Variants in SLC22A6 observed in about 807,000 individuals in gnomAD.
SLC22A6 encodes the protein solute carrier family 22 member 6.
A neutral mutation model predicts 56.7 loss-of-function variants in SLC22A6; 45 were observed. That is an observed-to-expected ratio of 0.79 (90% CI 0.63 to 1.02). The LOEUF (loss-of-function observed/expected upper bound fraction) is 1.02, where lower values mean the gene tolerates loss of function less well. SLC22A6 is among the 50% of genes least tolerant of loss of function. The pLI, the probability that SLC22A6 is intolerant of heterozygous loss-of-function variation, is 0.00. For synonymous variants in SLC22A6, 291 were observed against 295.9 expected, an observed-to-expected ratio of 0.98 and a Z score of 0.17; for missense variants, 606 against 713.8, an observed-to-expected ratio of 0.85 and a Z score of 1.72.
rs1294792467 is a variant in SLC22A6, at chr11:62,984,692, G to A, written c.-2C>T. ...CTGCAGGAGGTCATTAAAGGCCATT[G>A]GGCCAGGCCCAGCCCAGTGGCTGGG... is the stretch of plus-strand genomic sequence containing the variant. On this transcript the variant is annotated 5_prime_UTR_variant, in exon 1 of 10. Coordinates refer to ENST00000360421, the MANE Select transcript of SLC22A6 (RefSeq NM_153276.3). 10 of 1,611,884 alleles carry A rather than the reference G, an allele frequency of 6.2e-6. No individual in the cohort carries two copies. The highest frequency in any genetic ancestry group is 8.5e-6 in the Non-Finnish European group (10 of 1,179,646).
At chr11:62,984,301 T>G in intron 1 of SLC22A6, 21 bp downstream of exon 1, 1 of 1,610,274 alleles carries the variant, frequency 6.2e-7, no homozygotes, top group Non-Finnish European at 8.5e-7. Context: ...GGCCCCTGGA[T>G]GGGGAGCCCC....
intron 3 of SLC22A6, among the ~76,000 whole-genome samples, chr11:62,982,652 G>C (rs1007018991): frequency 2.0e-5 from 3 of 152,170 alleles, no homozygotes; most frequent in Non-Finnish European, 4.4e-5. Flanking sequence ...ATGCCCTTGG[G>C]TAAATCCTTT....
At chr11:62,984,249 CTT>C (rs4149175) in intron 1 of SLC22A6, 71 bp downstream of exon 1, 50,413 of 1,334,610 alleles carry the variant, frequency 0.038, no homozygotes, top group South Asian at 0.056. Flanking sequence ...TCTCCATGTA[CTT>C]TTTTTTTTTT....
At chr11:62,977,896 A>C (rs1471352129) in intron 8 of SLC22A6, among the ~76,000 whole-genome samples, 1 of 152,228 alleles carries the variant, frequency 6.6e-6, no homozygotes, top group Non-Finnish European at 1.5e-5. Context: ...GGGAGCTGGA[A>C]TCTGCATGTT....
At chr11:62,977,857 C>T (rs748842332) in intron 8 of SLC22A6, among the ~76,000 whole-genome samples, 8 of 152,202 alleles carry the variant, frequency 5.3e-5, no homozygotes, top group African/African-American at 1.7e-4. Context: ...AGCCAACATA[C>T]ACCTATTGGA....
chr11:62,977,746 TTCCC>T (rs1461542303), intron 8 of SLC22A6, among the ~76,000 whole-genome samples: 2 of 152,234 alleles, frequency 1.3e-5, no homozygotes, highest in Non-Finnish European at 2.9e-5. Context: ...GCAAGCCCCT[TTCCC>T]TCCGTGGGCT....
chr11:62,981,195 C>A (rs2135095787), intron 5 of SLC22A6, 65 bp downstream of exon 5: 1 of 1,605,566 alleles, frequency 6.2e-7, no homozygotes, highest in Non-Finnish European at 8.5e-7. Context: ...GGCCCTGGGT[C>A]CTGGGTTTGG....
Position 62,984,012 on chromosome 11 carries a change from C to T in SLC22A6, c.405G>A (p.Gln135=), listed in dbSNP as rs1347197716. 2.5e-6 allele frequency: 4 copies of T among 1,613,744 alleles called. No homozygotes were observed. Among genetic ancestry groups the T allele is most frequent in the Non-Finnish European group, 1.7e-6 (2 of 1,179,850 alleles). ...CCACCATGTACAAGGACTGGGCCAG[C>T]TGGCGTAGGGCCCTGTGAGAGCACA... The part of the protein sequence containing the change: ...DLVCSHRALR[Q]LAQSLYMVGV... Residue 135 remains glutamine, a synonymous_variant, in exon 2 of 10, where the codon CAG becomes CAA. Transcript: ENST00000360421.
Position 62,984,307 on chromosome 11 carries a change from G to T in SLC22A6, c.369+15C>A, listed in dbSNP as rs1324921725. On this transcript the variant is annotated intron_variant, in intron 1 of 9. Transcript: ENST00000360421. ...TCCCATCTTGGCCCCTGGATGGGGA[G>T]CCCCAGGTGCTCACCTCAGTCACGA... 2 of 1,611,450 alleles carry T rather than the reference G, an allele frequency of 1.2e-6. No homozygotes were observed. The highest frequency in any genetic ancestry group is 1.7e-6 in the Non-Finnish European group (2 of 1,179,674).
Position 62,983,573 on chromosome 11 carries a change from C to G in SLC22A6, c.592G>C (p.Ala198Pro). 1 of 1,573,972 alleles carries G rather than the reference C, an allele frequency of 6.4e-7. No individual in the cohort carries two copies. The highest frequency in any genetic ancestry group is 1.2e-5 in the South Asian group (1 of 85,830). Residue 198 changes from alanine to proline, a missense_variant, in exon 3 of 10, where the codon GCT (alanine) becomes CCT (proline). Ala to Pro is a conservative substitution (Grantham distance 27). Transcript: ENST00000360421. This position sits in a 1 kb window ranked among gnomAD's most constrained non-coding sequence, Gnocchi z 4.5. ...YCAFRLLSGMALAGISLNCMT... is the reference protein window; with the variant it reads ...YCAFRLLSGMPLAGISLNCMT... ...CAGTTGAGGGAGATGCCAGCCAGAGCCATGCCCGAGAGGAGCCGGAAGGCG... is the reference window on the plus strand; with the variant it reads ...CAGTTGAGGGAGATGCCAGCCAGAGGCATGCCCGAGAGGAGCCGGAAGGCG...
rs1346464470 is a variant in SLC22A6, at chr11:62,984,268, A to C, written c.369+54T>G. 5 of 1,560,808 alleles carry C rather than the reference A, an allele frequency of 3.2e-6. No individual in the cohort carries two copies. The Admixed American group carries it at 1.1e-4, about 33-fold the overall frequency. On this transcript the variant is annotated intron_variant, in intron 1 of 9. Transcript: ENST00000360421. The stretch of plus-strand genomic sequence containing the variant: ...CATGTACTTTTTTTTTTTTTTTAAC[A>C]AAGGCCCCCATCTTCCCATCTTGGC...
At chr11:62,980,913 T>C in intron 6 of SLC22A6, 72 bp downstream of exon 6, 1 of 1,302,712 alleles carries the variant, frequency 7.7e-7, no homozygotes, top group Non-Finnish European at 1.1e-6. Flanking sequence ...TTCTCTGGCC[T>C]CTTTCACCCA....
intron 9 of SLC22A6, 133 bp downstream of exon 9, chr11:62,977,051 C>A: frequency 6.4e-7 from 1 of 1,565,562 alleles, no homozygotes; most frequent in Non-Finnish European, 8.7e-7. Context: ...CTAGGAGAAG[C>A]TCAGGCAATT....
chr11:62,982,044 A>C (rs1210879663), intron 3 of SLC22A6, 34 bp from the exon 4 acceptor site: 1 of 1,596,298 alleles, frequency 6.3e-7, no homozygotes, highest in East Asian at 2.2e-5. Context: ...TGCTGCAACT[A>C]CCTGGGCTGC....
intron 8 of SLC22A6, among the ~76,000 whole-genome samples, chr11:62,978,781 G>C (rs375166833): frequency 6.6e-6 from 1 of 151,944 alleles, no homozygotes; most frequent in East Asian, 1.9e-4. Context: ...TAGTAGAGAC[G>C]GGGTTTCACC....
At position 62,981,344 on chromosome 11, in the gene SLC22A6, C is replaced by A; in HGVS notation, c.837G>T (p.Gly279=). The change falls in exon 5 of 10, where the codon GGG becomes GGT. Residue 279 remains glycine (G), a synonymous_variant. Coordinates refer to ENST00000360421, the MANE Select transcript of SLC22A6 (RefSeq NM_153276.3). ...GGGCCCTCAGGGTGAGGTCCAGCCT[C>A]CCGGAGGAGGAGTGCCAGCGGGCCG... is the stretch of plus-strand genomic sequence containing the variant. ...IESARWHSSS[G]RLDLTLRALQ... 1 of 1,597,138 alleles carries A rather than the reference C, an allele frequency of 6.3e-7. No homozygotes were observed. Among genetic ancestry groups the A allele is most frequent in the Non-Finnish European group, 8.5e-7 (1 of 1,171,960 alleles).
In SLC22A6 at chr11:62,981,027, C is replaced by T. The variant is rs763940479; in HGVS notation, c.995G>A (p.Cys332Tyr). Reference sequence around the variant, plus strand: ...GAGGAAGAGGTGGCGGAGGGTGGGGCAGCGCAGCAGCTCCATGGCCGATGC... The same window carrying T: ...GAGGAAGAGGTGGCGGAGGGTGGGGTAGCGCAGCAGCTCCATGGCCGATGC... The part of the protein sequence containing the change: ...GQASAMELLR[C>Y]PTLRHLFLCL... The change falls in exon 6 of 10, where the codon TGC becomes TAC. Residue 332 changes from cysteine (C) to tyrosine (Y), a missense_variant. Physicochemically the swap from Cys to Tyr is radical, Grantham distance 194 (BLOSUM62 -2). Transcript: ENST00000360421. The T allele has an allele frequency of 2.5e-6, 4 of 1,611,170 alleles. No individual in the cohort carries two copies. The highest frequency in any genetic ancestry group is 1.3e-5 in the African/African-American group (1 of 74,886).
At chr11:62,981,736 C>A in intron 4 of SLC22A6, 106 bp downstream of exon 4, 1 of 1,199,366 alleles carries the variant, frequency 8.3e-7, no homozygotes, top group Admixed American at 2.8e-5. Context: ...GTTTGACCTT[C>A]TCTACATTTG....
intron 8 of SLC22A6, 151 bp from the exon 9 acceptor site, chr11:62,977,538 C>A (rs1473787568): frequency 1.4e-5 from 13 of 961,452 alleles, no homozygotes; most frequent in Non-Finnish European, 1.9e-5. Flanking sequence ...ACCAATTTGG[C>A]GATTTTTTTT....
Sources: gnomAD v4.1 joint callset for allele counts (sites outside exome capture counted in the v4.1 genomes callset) on GRCh38, gnomAD v4.1.1 for gene constraint, Gnocchi (gnomAD v3.1) non-coding constraint, MANE v1.5 for transcripts, NCBI Gene and HGNC (gene_info 2026-07-23, HGNC 2026-07-21) for gene names.